The following PPP3CC variants were observed in gnomAD, a reference collection of about 807,000 sequenced individuals.
The protein encoded by PPP3CC is serine/threonine-protein phosphatase 2B catalytic subunit gamma isoform.
PPP3CC carries 35 observed loss-of-function variants against 60.3 expected under a neutral mutation model. The ratio of observed to expected loss-of-function variants is 0.58; its 90% confidence interval spans 0.44 to 0.77. The LOEUF (loss-of-function observed/expected upper bound fraction) is 0.77, where lower values mean the gene tolerates loss of function less well. PPP3CC is among the 30% of genes least tolerant of loss of function. PPP3CC has a pLI of 0.00. For missense variants in PPP3CC, 570 were observed against 628.9 expected (o/e 0.91, Z 1.00); for synonymous variants, 206 against 224.3 (o/e 0.92, Z 0.73).
At chr8:22,492,284 T>TA (rs1226528494) in intron 3 of PPP3CC, among the ~76,000 whole-genome samples, 1 of 152,076 alleles carries the variant, frequency 6.6e-6, no homozygotes, top group Admixed American at 6.5e-5. Context: ...ATAAAGTACT[T>TA]ATCATGAATG....
chr8:22,482,836 TA>T (rs1563721807), intron 3 of PPP3CC, among the ~76,000 whole-genome samples: 1 of 152,148 alleles, frequency 6.6e-6, no homozygotes, highest in Non-Finnish European at 1.5e-5. Context: ...AAAGCCAAGA[TA>T]CAGTAGAGGA....
chr8:22,464,797 G>A (rs1280739339), intron 1 of PPP3CC, among the ~76,000 whole-genome samples: 2 of 152,016 alleles, frequency 1.3e-5, no homozygotes, highest in East Asian at 1.9e-4. Flanking sequence ...TTATGCGTGG[G>A]CTGAGTTCAC....
At chr8:22,513,232 A>G in intron 5 of PPP3CC, 61 bp from the exon 6 acceptor site, 5 of 1,529,612 alleles carry the variant, frequency 3.3e-6, no homozygotes, top group South Asian at 1.2e-5. Flanking sequence ...GACACATACT[A>G]GTTTCCAAGA....
chr8:22,471,166 T>G (rs1277157917), intron 1 of PPP3CC, among the ~76,000 whole-genome samples: 2 of 152,178 alleles, frequency 1.3e-5, no homozygotes, highest in Non-Finnish European at 2.9e-5. Context: ...ATCAGTTTGG[T>G]TTTGGAAGAC....
intron 6 of PPP3CC, among the ~76,000 whole-genome samples, chr8:22,515,862 T>G (rs1335708608): frequency 6.6e-6 from 1 of 152,172 alleles, no homozygotes; most frequent in Non-Finnish European, 1.5e-5. Context: ...ATATTCTGGT[T>G]ATTAATCTCT....
intron 4 of PPP3CC, among the ~76,000 whole-genome samples, chr8:22,499,036 A>G (rs899239813): frequency 7.2e-5 from 11 of 152,068 alleles, no homozygotes; most frequent in African/African-American, 2.2e-4. Flanking sequence ...AGGCAGGAGA[A>G]TGGCTTGAAC....
At chr8:22,447,424 C>T (rs1483401104) in intron 1 of PPP3CC, among the ~76,000 whole-genome samples, 4 of 151,832 alleles carry the variant, frequency 2.6e-5, no homozygotes, top group South Asian at 2.1e-4. Flanking sequence ...CCTCGTGATC[C>T]GCCCGTCTCG....
At chr8:22,473,891 CTGTTTTGTTT>C (rs1563706681) in intron 1 of PPP3CC, among the ~76,000 whole-genome samples, 4 of 151,930 alleles carry the variant, frequency 2.6e-5, no homozygotes, top group African/African-American at 7.3e-5. Context: ...TTGTTTTATT[CTGTTTTGTTT>C]TGTTTTATTT....
chr8:22,527,788 A>G (rs1489629003), intron 9 of PPP3CC, among the ~76,000 whole-genome samples: 2 of 152,112 alleles, frequency 1.3e-5, no homozygotes, highest in Non-Finnish European at 2.9e-5. Flanking sequence ...GGCACGTGCC[A>G]CTGCACCCGG....
In PPP3CC at chr8:22,448,571, G is replaced by T. The variant is rs145346222; in HGVS notation, c.49+7113G>T. Among the ~76,000 whole-genome samples, 664 of 151,988 alleles carry T rather than the reference G, an allele frequency of 4.4e-3. 5 individuals carry two copies. Among genetic ancestry groups the T allele is most frequent in the South Asian group, 0.035 (167 of 4,810 alleles). Reference sequence around the variant, plus strand: ...ATTTTATATTTTTAGTAGAGACGAGGTTTCTCCGTATTGGTCAGGCTGGTC... The same window carrying T: ...ATTTTATATTTTTAGTAGAGACGAGTTTTCTCCGTATTGGTCAGGCTGGTC... On this transcript the variant is annotated intron_variant, in intron 1 of 13. Coordinates refer to ENST00000240139, the MANE Select transcript of PPP3CC (RefSeq NM_005605.5).
intron 3 of PPP3CC, among the ~76,000 whole-genome samples, chr8:22,480,092 A>C (rs1838016073): frequency 1.3e-5 from 2 of 151,786 alleles, no homozygotes; most frequent in Admixed American, 1.3e-4. Context: ...TTTTCCATGA[A>C]TCTGATTGTG....
chr8:22,537,934 G>T (rs1839879282), intron 12 of PPP3CC, among the ~76,000 whole-genome samples: 1 of 151,812 alleles, frequency 6.6e-6, no homozygotes, highest in South Asian at 2.1e-4. Flanking sequence ...GCTAATAAGT[G>T]GGGGATTTCT....
At chr8:22,442,991 T>G (rs1388109944) in intron 1 of PPP3CC, among the ~76,000 whole-genome samples, 1 of 152,192 alleles carries the variant, frequency 6.6e-6, no homozygotes, top group Non-Finnish European at 1.5e-5. Context: ...CTGCTACGTC[T>G]TAGCTGAAGT....
rs1009186438 is a variant in PPP3CC at position 22,451,441 on chromosome 8, C to A, written c.49+9983C>A. Among the ~76,000 whole-genome samples the A allele has an allele frequency of 3.3e-5, 5 of 152,310 alleles. 1 individual carries two copies. Among genetic ancestry groups the A allele is most frequent in the Admixed American group, 3.3e-4 (5 of 15,296 alleles). ...GTGAGCCACTGTGTCCGGCCCCCAG[C>A]CTCCTTTAATACTACAGGTTGAGTG... On this transcript the variant is annotated intron_variant, in intron 1 of 13. Transcript: ENST00000240139.
At chr8:22,490,559 C>T (rs973962976) in intron 3 of PPP3CC, among the ~76,000 whole-genome samples, 55 of 151,778 alleles carry the variant, frequency 3.6e-4, no homozygotes, top group Non-Finnish European at 2.9e-4. Flanking sequence ...CCCATTAACT[C>T]GTCATTTACA....
chr8:22,525,523 TTTC>T (rs1839527334), intron 8 of PPP3CC, among the ~76,000 whole-genome samples: 2 of 104,832 alleles, frequency 1.9e-5, no homozygotes, highest in Admixed American at 2.0e-4. Context: ...TCTTTCTTTC[TTTC>T]TTTCTTTCTT....
intron 1 of PPP3CC, among the ~76,000 whole-genome samples, chr8:22,474,108 T>A (rs1466929866): frequency 6.6e-6 from 1 of 151,864 alleles, no homozygotes; most frequent in Non-Finnish European, 1.5e-5. Context: ...TTGCCCAGGC[T>A]GGTCTTGAAC....
rs571490912 is a variant in PPP3CC at position 22,475,164 on chromosome 8, T to C, written c.247+13T>C. On this transcript the variant is annotated intron_variant, in intron 2 of 13. Transcript: ENST00000240139. ...GCTCCAATCACAGGTATAAAAAGTC[T>C]TTGCATGATACTTTTTTACAGTATA... The C allele has an allele frequency of 1.6e-4, 263 of 1,598,732 alleles. 1 individual carries two copies. The East Asian group carries it at 5.7e-3, about 35-fold the overall frequency.
intron 8 of PPP3CC, 124 bp downstream of exon 8, chr8:22,522,873 G>T: frequency 1.4e-6 from 1 of 715,124 alleles, no homozygotes; most frequent in Non-Finnish European, 2.2e-6. Context: ...AAAAAAAGGG[G>T]TCTTAGTTGA....
Sources: allele counts gnomAD v4.1 joint callset (sites outside exome capture counted in the v4.1 genomes callset), GRCh38; gene constraint gnomAD v4.1.1; transcripts MANE v1.5; gene names NCBI Gene and HGNC (gene_info 2026-07-23, HGNC 2026-07-21).